Variants in DLGAP2 observed in about 807,000 individuals in gnomAD.
The protein encoded by DLGAP2 is disks large-associated protein 2.
In DLGAP2, 26 loss-of-function variants were observed where a neutral mutation model predicts 100.3. The observed-to-expected ratio is 0.26, with a 90% CI of 0.19 to 0.36. DLGAP2 has a LOEUF of 0.36. DLGAP2 is among the 10% of genes least tolerant of loss of function. The pLI is 1.00. For missense variants in DLGAP2, 1,858 were observed against 1,453.2 expected (o/e 1.28, Z -4.53); for synonymous variants, 886 against 630.1 (o/e 1.41, Z -6.08).
chr8:975,029 A>G (rs1008157905), intron 2 of DLGAP2, among the ~76,000 whole-genome samples: 5 of 152,212 alleles, frequency 3.3e-5, no homozygotes, highest in African/African-American at 1.2e-4. Context: ...GAGAAGATCC[A>G]AATTACCGAA....
intron 8 of DLGAP2, among the ~76,000 whole-genome samples, chr8:1,638,517 T>C (rs901376875): frequency 6.6e-6 from 1 of 152,124 alleles, no homozygotes; most frequent in African/African-American, 2.4e-5. Flanking sequence ...AGTCATGTTA[T>C]AATGAAGACC....
In DLGAP2 at chr8:856,186, T is replaced by TCTTCTTC. The variant is rs1797273603; in HGVS notation, c.19-51726_19-51725insCTTCTTC. Among the ~76,000 whole-genome samples, 36 of 123,260 alleles carry TCTTCTTC rather than the reference T, an allele frequency of 2.9e-4. No homozygotes were observed. The East Asian group carries it at 5.6e-3, about 19-fold the overall frequency. 80.9% of individuals were successfully genotyped at this position (123,260 alleles called of 152,430 possible). A position where few individuals can be genotyped will look rare whatever the true frequency, so the allele number is the denominator to read the frequency against. On this transcript the variant is annotated intron_variant, in intron 1 of 14. Coordinates refer to ENST00000637795, the MANE Select transcript of DLGAP2 (RefSeq NM_001346810.2). ...TAGTGGAAAAATCTTCTTCTTCTTC[T>TCTTCTTC]TTTTTTTTTTTTTTTTTTTGAGATG...
At chr8:1,352,894 A>G (rs544244723) in intron 3 of DLGAP2, among the ~76,000 whole-genome samples, 11 of 152,318 alleles carry the variant, frequency 7.2e-5, no homozygotes, top group Admixed American at 3.9e-4. Flanking sequence ...AGAGAGCCTG[A>G]GAATGGGGCC....
intron 2 of DLGAP2, among the ~76,000 whole-genome samples, chr8:1,210,922 T>A (rs1398342359): frequency 6.8e-6 from 1 of 147,424 alleles, no homozygotes; most frequent in Non-Finnish European, 1.5e-5. Flanking sequence ...GCTGCCCTTC[T>A]GCCCAGCAAT....
intron 2 of DLGAP2, among the ~76,000 whole-genome samples, chr8:1,047,165 G>A (rs1396580684): frequency 6.6e-6 from 1 of 152,092 alleles, no homozygotes; most frequent in African/African-American, 2.4e-5. Context: ...CCCAGACCCT[G>A]GAAAACACCA....
At chr8:1,506,859 A>C (rs1356853958) in intron 4 of DLGAP2, among the ~76,000 whole-genome samples, 5 of 152,078 alleles carry the variant, frequency 3.3e-5, no homozygotes, top group Non-Finnish European at 7.4e-5. Flanking sequence ...CTAGACACAG[A>C]GCATAGATTG....
intron 3 of DLGAP2, among the ~76,000 whole-genome samples, chr8:1,466,533 G>GTGTGTGTA (rs919703102): frequency 2.0e-5 from 3 of 149,424 alleles, no homozygotes; most frequent in African/African-American, 7.2e-5. Flanking sequence ...TTGTGTGTGT[G>GTGTGTGTA]TGTGTGTGTG....
At chr8:1,303,125 C>A (rs887185391) in intron 3 of DLGAP2, among the ~76,000 whole-genome samples, 1 of 152,116 alleles carries the variant, frequency 6.6e-6, no homozygotes. Flanking sequence ...GGGTGGGGCG[C>A]GGTGGCTCAC....
chr8:1,366,399 T>C (rs1184464829), intron 3 of DLGAP2, among the ~76,000 whole-genome samples: 2 of 152,108 alleles, frequency 1.3e-5, no homozygotes, highest in Non-Finnish European at 2.9e-5. Flanking sequence ...CAAGGGCATG[T>C]TGTGAGAGAA....
intron 2 of DLGAP2, among the ~76,000 whole-genome samples, chr8:1,232,143 C>G (rs936841999): frequency 2.0e-5 from 3 of 152,208 alleles, no homozygotes; most frequent in Non-Finnish European, 1.5e-5. Context: ...CCAGCACTGT[C>G]CCCTTCACGA....
intron 4 of DLGAP2, among the ~76,000 whole-genome samples, chr8:1,519,376 C>T (rs527305997): frequency 6.6e-6 from 1 of 152,240 alleles, no homozygotes; most frequent in South Asian, 2.1e-4. Flanking sequence ...ACTGACTGCC[C>T]GAAATTCAGT....
chr8:1,333,044 C>T (rs1006958179), intron 3 of DLGAP2, among the ~76,000 whole-genome samples: 6 of 152,114 alleles, frequency 3.9e-5, no homozygotes, highest in African/African-American at 4.8e-5. Flanking sequence ...TGACACCGCC[C>T]GAGGTGTTGA....
At chr8:738,044 C>G in intron 1 of DLGAP2, 1 of 295,520 alleles carries the variant, frequency 3.4e-6, no homozygotes, top group Non-Finnish European at 6.2e-6. Context: ...CGCCGGGCTC[C>G]GCGCATCCCT....
At chr8:1,416,650 T>C (rs1423574555) in intron 3 of DLGAP2, among the ~76,000 whole-genome samples, 1 of 152,088 alleles carries the variant, frequency 6.6e-6, no homozygotes, top group African/African-American at 2.4e-5. Flanking sequence ...ACATGGAAAC[T>C]CTGTTTCTGT....
At chr8:1,181,769 G>A (rs1013268982) in intron 2 of DLGAP2, among the ~76,000 whole-genome samples, 2 of 152,110 alleles carry the variant, frequency 1.3e-5, no homozygotes, top group African/African-American at 4.8e-5. Context: ...CCCCAGGCTG[G>A]GCTAGGGATT....
intron 7 of DLGAP2, among the ~76,000 whole-genome samples, chr8:1,630,140 GAA>G (rs35157299): frequency 6.8e-6 from 1 of 147,714 alleles, no homozygotes; most frequent in Non-Finnish European, 1.5e-5. Flanking sequence ...GAATTCTCAG[GAA>G]AAAAAAAAGT....
At chr8:1,179,263 C>T (rs768544444) in intron 2 of DLGAP2, among the ~76,000 whole-genome samples, 13 of 152,332 alleles carry the variant, frequency 8.5e-5, no homozygotes, top group Non-Finnish European at 1.6e-4. Context: ...GCCTTAGATG[C>T]AGAGTGGGGG....
intron 4 of DLGAP2, among the ~76,000 whole-genome samples, chr8:1,510,040 C>T (rs148398001): frequency 2.8e-4 from 42 of 152,314 alleles, no homozygotes; most frequent in African/African-American, 9.6e-4. Context: ...TTGCATATTG[C>T]AGTAACTGAA....
intron 2 of DLGAP2, among the ~76,000 whole-genome samples, chr8:1,157,647 G>A (rs528652132): frequency 2.6e-5 from 4 of 152,318 alleles, no homozygotes; most frequent in African/African-American, 9.6e-5. Context: ...TTTGGCAAAT[G>A]TACTGTAGGA....
Sources: gnomAD v4.1 joint callset for allele counts (sites outside exome capture counted in the v4.1 genomes callset) on GRCh38, gnomAD v4.1.1 for gene constraint, MANE v1.5 for transcripts, NCBI Gene and HGNC (gene_info 2026-07-23, HGNC 2026-07-21) for gene names.